The following MARVELD2 variants were observed in gnomAD, a reference collection of about 807,000 sequenced individuals.
The protein encoded by MARVELD2 is MARVEL domain containing 2, also known as MARVEL domain-containing protein 2.
A neutral mutation model predicts 57.6 loss-of-function variants in MARVELD2; 49 were observed. That is an observed-to-expected ratio of 0.85 (90% CI 0.68 to 1.08). MARVELD2 has a LOEUF of 1.08. Among genes scored for constraint, MARVELD2 ranks in the 50% least tolerant of loss-of-function variants. The pLI is 0.00. For synonymous variants in MARVELD2, 238 were observed against 258.8 expected, an observed-to-expected ratio of 0.92 and a Z score of 0.77; for missense variants, 606 against 701.1, an observed-to-expected ratio of 0.86 and a Z score of 1.53.
chr5:69,425,532 T>C (rs1376892308), intron 3 of MARVELD2, among the ~76,000 whole-genome samples: 2 of 151,338 alleles, frequency 1.3e-5, no homozygotes, highest in Non-Finnish European at 2.9e-5. Context: ...TTTAATTTTG[T>C]TAGATGAAAA....
At position 69,419,813 on chromosome 5, in the gene MARVELD2, C is replaced by G. The variant is rs775697447; in HGVS notation, c.428C>G (p.Thr143Ser). ...CKDPYGGSEG[T>S]FSSRKEADAV... is the part of the protein sequence containing the mutation. ...GATCCCTACGGAGGGTCAGAAGGAA[C>G]CTTTAGTTCCCGGAAAGAGGCTGAC... Residue 143 changes from threonine (T) to serine (S), a missense_variant, in exon 2 of 7, where the codon ACC becomes AGC. Transcript: ENST00000325631. The G allele has an allele frequency of 6.2e-7, 1 of 1,614,066 alleles. No individual in the cohort carries two copies. Among genetic ancestry groups the G allele is most frequent in the African/African-American group, 1.3e-5 (1 of 74,928 alleles).
Position 69,432,445 on chromosome 5 carries a change from T to C in MARVELD2, c.1183-82T>C, listed in dbSNP as rs1766991942. On this transcript the variant is annotated intron_variant, in intron 3 of 6. Transcript: ENST00000325631. Reference sequence around the variant, plus strand: ...TTTGAGCCACCCCACCTGATCTTCTTCCTCATTTTCTAAGAATGAATTCAG... The same window carrying C: ...TTTGAGCCACCCCACCTGATCTTCTCCCTCATTTTCTAAGAATGAATTCAG... 2.0e-6 allele frequency: 3 copies of C among 1,479,922 alleles called. No individual in the cohort carries two copies. The Admixed American group carries it at 5.7e-5, about 28-fold the overall frequency. 91.7% of individuals were successfully genotyped at this position (1,479,922 alleles called of 1,614,324 possible).
rs1257971678 is a variant in MARVELD2 at position 69,419,951 on chromosome 5, G to A, written c.566G>A (p.Trp189Ter). Reference sequence around the variant, plus strand: ...CTGAGATACTCCTACATGAAGTCGTGGGCAGGCCTGCTGAGAATACTGGGT... The same window carrying A: ...CTGAGATACTCCTACATGAAGTCGTAGGCAGGCCTGCTGAGAATACTGGGT... ...YNLRYSYMKS[W>*]AGLLRILGVV... The change falls in exon 2 of 7, where the codon TGG becomes TAG. Residue 189 changes from tryptophan (W) to a stop codon, truncating the protein, a stop_gained. Transcript: ENST00000325631. LOFTEE classifies it high-confidence loss of function. The A allele has an allele frequency of 6.2e-7, 1 of 1,614,152 alleles. No homozygotes were observed. Among genetic ancestry groups the A allele is most frequent in the Non-Finnish European group, 8.5e-7 (1 of 1,180,030 alleles).
At chr5:69,425,026 AAAG>A (rs984080344) in intron 3 of MARVELD2, among the ~76,000 whole-genome samples, 2 of 151,548 alleles carry the variant, frequency 1.3e-5, no homozygotes, top group African/African-American at 4.8e-5. Context: ...CTGTTTAAAA[AAAG>A]AAAAGAAAAG....
At chr5:69,438,293 G>A (rs1286707581) in intron 5 of MARVELD2, among the ~76,000 whole-genome samples, 1 of 152,134 alleles carries the variant, frequency 6.6e-6, no homozygotes, top group Non-Finnish European at 1.5e-5. Context: ...GCTCATCTCT[G>A]CCTGCATCTC....
In MARVELD2 at chr5:69,432,857, G is replaced by A; in HGVS notation, c.1332-65G>A. On this transcript the variant is annotated intron_variant, in intron 4 of 6. Transcript: ENST00000325631. ...ATATGATCAGTAAGGAATAAGATAA[G>A]CTGATTTCCCATTCAGCTTCTTTTA... The A allele has an allele frequency of 3.8e-6, 6 of 1,595,656 alleles. No homozygotes were observed. The South Asian group carries it at 5.5e-5, about 15-fold the overall frequency.
intron 5 of MARVELD2, among the ~76,000 whole-genome samples, chr5:69,439,782 A>ATATT (rs987190015): frequency 2.6e-5 from 4 of 151,932 alleles, no homozygotes; most frequent in East Asian, 1.9e-4. Context: ...GTAAATTATT[A>ATATT]TATTTATTTA....
At position 69,424,602 on chromosome 5, in the gene MARVELD2, T is replaced by C. The variant is rs368720113; in HGVS notation, c.1148T>C (p.Ile383Thr). 2.6e-5 allele frequency: 42 copies of C among 1,603,876 alleles called. No homozygotes were observed. Among genetic ancestry groups the C allele is most frequent in the Non-Finnish European group, 3.3e-5 (39 of 1,170,504 alleles). ...RHREYMEQQEINEPSLSSKRK... is the reference protein window; with the variant it reads ...RHREYMEQQETNEPSLSSKRK... ...CTATTTGAACTCTTTTTGTTCCAGA[T>C]AAATGAGCCATCATTGTCATCGAAA... The change falls in exon 3 of 7, where the codon ATA (isoleucine) becomes ACA (threonine). Residue 383 changes from isoleucine to threonine, a missense_variant and splice_region_variant. Transcript: ENST00000325631.
intron 3 of MARVELD2, among the ~76,000 whole-genome samples, chr5:69,426,345 A>T (rs1050906213): frequency 2.7e-5 from 4 of 147,462 alleles, no homozygotes; most frequent in African/African-American, 7.4e-5. Context: ...TATTATTATT[A>T]TTATTTTTAG....
chr5:69,415,617 G>A (rs552288747), intron 1 of MARVELD2: 1 of 152,260 alleles, frequency 6.6e-6, no homozygotes, highest in Non-Finnish European at 1.5e-5. Flanking sequence ...CGGTACCCCC[G>A]GGCAGTCGTG....
chr5:69,421,805 T>TC (rs1766636100), intron 2 of MARVELD2, among the ~76,000 whole-genome samples: 1 of 150,404 alleles, frequency 6.6e-6, no homozygotes, highest in Admixed American at 6.6e-5. Context: ...TTTTTTTTTT[T>TC]TTTTTTGAGA....
intron 1 of MARVELD2, among the ~76,000 whole-genome samples, chr5:69,416,185 C>T (rs1329331286): frequency 6.6e-6 from 1 of 152,194 alleles, no homozygotes; most frequent in African/African-American, 2.4e-5. Flanking sequence ...TTGCTAAAAT[C>T]ATTTGTTGTG....
At position 69,432,903 on chromosome 5, in the gene MARVELD2, G is replaced by A. The variant is rs574746078; in HGVS notation, c.1332-19G>A. ...TTTTAGTGAAACAATTATATCTTTG[G>A]CTTATGTTTTTCCCCTAGAAAATAC... On this transcript the variant is annotated intron_variant, in intron 4 of 6. Coordinates refer to ENST00000325631, the MANE Select transcript of MARVELD2 (RefSeq NM_001038603.3). The A allele has an allele frequency of 2.5e-6, 4 of 1,613,898 alleles. No homozygotes were observed. Among genetic ancestry groups the A allele is most frequent in the Non-Finnish European group, 3.4e-6 (4 of 1,179,938 alleles).
rs201380573 is a variant in MARVELD2, at chr5:69,440,436, T to C, written c.1504-14T>C. On this transcript the variant is annotated splice_polypyrimidine_tract_variant and intron_variant, in intron 5 of 6. Coordinates refer to ENST00000325631, the MANE Select transcript of MARVELD2 (RefSeq NM_001038603.3). Reference sequence around the variant, plus strand: ...CAAATGTTTTAACTTAAGTATACAATGTATTATTTTTAGGAACATGAGAGA... The same window carrying C: ...CAAATGTTTTAACTTAAGTATACAACGTATTATTTTTAGGAACATGAGAGA... 2 of 1,234,664 alleles carry C rather than the reference T, an allele frequency of 1.6e-6. No homozygotes were observed. Among genetic ancestry groups the C allele is most frequent in the Admixed American group, 1.7e-5 (1 of 58,310 alleles). 76.5% of individuals were successfully genotyped at this position (1,234,664 alleles called of 1,614,324 possible).
chr5:69,434,173 A>G (rs1490565422), intron 5 of MARVELD2, among the ~76,000 whole-genome samples: 2 of 152,030 alleles, frequency 1.3e-5, no homozygotes, highest in Admixed American at 6.6e-5. Context: ...AAGAGTAGAG[A>G]GCAGAAATGG....
At chr5:69,422,695 T>C (rs1018997369) in intron 2 of MARVELD2, among the ~76,000 whole-genome samples, 2 of 152,200 alleles carry the variant, frequency 1.3e-5, no homozygotes, top group Non-Finnish European at 2.9e-5. Context: ...ATGTGATCTC[T>C]GTGACCCACA....
At chr5:69,434,218 C>T (rs968826783) in intron 5 of MARVELD2, among the ~76,000 whole-genome samples, 1 of 152,064 alleles carries the variant, frequency 6.6e-6, no homozygotes, top group Non-Finnish European at 1.5e-5. Context: ...AATCCCAACA[C>T]TTTAAGAGGC....
chr5:69,439,421 A>G (rs1307836907), intron 5 of MARVELD2, among the ~76,000 whole-genome samples: 1 of 151,536 alleles, frequency 6.6e-6, no homozygotes, highest in Non-Finnish European at 1.5e-5. Context: ...TCAGCCTCCC[A>G]AAATGCTGGG....
At chr5:69,435,012 C>T (rs528496096) in intron 5 of MARVELD2, among the ~76,000 whole-genome samples, 76 of 142,360 alleles carry the variant, frequency 5.3e-4, no homozygotes, top group African/African-American at 1.4e-3. Context: ...ATTTTTTAAT[C>T]AGATGTACTC....
Sources: gnomAD v4.1 joint callset for allele counts (sites outside exome capture counted in the v4.1 genomes callset) on GRCh38, gnomAD v4.1.1 for gene constraint, MANE v1.5 for transcripts, NCBI Gene and HGNC (gene_info 2026-07-23, HGNC 2026-07-21) for gene names.